HIVEP2: variants seen among roughly 807,000 people sequenced by gnomAD.
HIVEP2 encodes the protein transcription factor HIVEP2.
A neutral mutation model predicts 180.7 loss-of-function variants in HIVEP2; 14 were observed. That is an observed-to-expected ratio of 0.08 (90% CI 0.05 to 0.12). HIVEP2 has a LOEUF of 0.12. Among genes scored for constraint, HIVEP2 ranks in the 10% least tolerant of loss-of-function variants. The probability of loss-of-function intolerance (pLI) is 1.00; values close to 1 mark genes in which losing one functional copy is unlikely to be tolerated. For synonymous variants in HIVEP2, 1,184 were observed against 1,136.4 expected (o/e 1.04, Z -0.84); for missense variants, 2,579 against 3,008.5 (o/e 0.86, Z 3.34).
At chr6:142,844,376 A>G (rs112014198) in intron 1 of HIVEP2, among the ~76,000 whole-genome samples, 24 of 152,144 alleles carry the variant, frequency 1.6e-4, no homozygotes, top group African/African-American at 5.8e-4. Context: ...GAGAAACCTA[A>G]TATTTTAGCT....
In HIVEP2 at chr6:142,753,718, G is replaced by A. The variant is rs372916482; in HGVS notation, c.6730C>T (p.Leu2244Phe). 68 of 1,614,074 alleles carry A rather than the reference G, an allele frequency of 4.2e-5. No individual in the cohort carries two copies. The highest frequency in any genetic ancestry group is 5.8e-5 in the Non-Finnish European group (68 of 1,180,048). Residue 2244 changes from leucine (L) to phenylalanine (F), a missense_variant, in exon 10 of 10, where the codon CTT (leucine) becomes TTT (phenylalanine). Leu to Phe is a conservative substitution (Grantham distance 22, BLOSUM62 0). Around this residue, in one of 11 missense-constraint regions of HIVEP2, gnomAD observed 660 missense variants for 731.7 expected, o/e 0.90. Transcript: ENST00000367603. ...IQMVHSMPPA[L>F]SSLHPSPTLP... Reference sequence around the variant, plus strand: ...GTGGGTGAAGGATGTAAACTGGAAAGGGCTGGCGGCATGGAGTGAACCATC... The same window carrying A: ...GTGGGTGAAGGATGTAAACTGGAAAAGGCTGGCGGCATGGAGTGAACCATC...
rs1404652488 is a variant in HIVEP2, at chr6:142,773,057, C to A, written c.1682G>T (p.Arg561Ile). The change falls in exon 5 of 10, where the codon AGA becomes ATA. Residue 561 changes from arginine to isoleucine, a missense_variant. Transcript: ENST00000367603. ...CCTTTCATCAAATGAGTGACTTCCT[C>A]TCAAAGAAGGAGGAATAGTTAGATT... Reference protein sequence around the residue: ...ATNLTIPPSLRGSHSFDERMT... With the variant: ...ATNLTIPPSLIGSHSFDERMT... 6.2e-7 allele frequency: 1 copy of A among 1,614,088 alleles called. No individual in the cohort carries two copies. Among genetic ancestry groups the A allele is most frequent in the African/African-American group, 1.3e-5 (1 of 74,928 alleles).
chr6:142,926,929 C>A (rs140019886), intron 1 of HIVEP2, among the ~76,000 whole-genome samples: 1 of 152,058 alleles, frequency 6.6e-6, no homozygotes, highest in African/African-American at 2.4e-5. Context: ...GCGGAGACGT[C>A]ATTGCATTCA....
intron 1 of HIVEP2, among the ~76,000 whole-genome samples, chr6:142,887,959 CAA>C (rs10634446): frequency 4.9e-5 from 7 of 143,124 alleles, no homozygotes; most frequent in Admixed American, 6.9e-5. Flanking sequence ...GGCGATGCAG[CAA>C]AAAAAAAAAA....
At position 142,774,821 on chromosome 6, in the gene HIVEP2, G is replaced by A; in HGVS notation, c.-83C>T. The A allele has an allele frequency of 6.5e-7, 1 of 1,529,792 alleles. No homozygotes were observed. The highest frequency in any genetic ancestry group is 1.3e-5 in the South Asian group (1 of 75,856). The allele number at this position is 1,529,792 out of a possible 1,614,324, so 94.8% of individuals were successfully genotyped here. A position where few individuals can be genotyped will look rare whatever the true frequency, so the allele number is the denominator to read the frequency against. ...TGTCTCCAAAGCTGTGCTTCTTAAA[G>A]CTTGGTTGCTTCCATGTTCCAGGGT... On this transcript the variant is annotated 5_prime_UTR_variant, in exon 5 of 10. Coordinates refer to ENST00000367603, the MANE Select transcript of HIVEP2 (RefSeq NM_006734.4). This position sits in a 1 kb window ranked among gnomAD's most constrained non-coding sequence, Gnocchi z 5.1.
At chr6:142,905,292 G>C (rs988451868) in intron 1 of HIVEP2, among the ~76,000 whole-genome samples, 59 of 152,062 alleles carry the variant, frequency 3.9e-4, no homozygotes, top group African/African-American at 1.4e-3. Context: ...ATCTTGAAAT[G>C]CACTATAAAT....
intron 6 of HIVEP2, among the ~76,000 whole-genome samples, chr6:142,765,742 C>A (rs187922438): frequency 6.6e-6 from 1 of 152,290 alleles, no homozygotes; most frequent in African/African-American, 2.4e-5. Flanking sequence ...CTTGCTTAAT[C>A]AAATCGGCTA....
intron 1 of HIVEP2, among the ~76,000 whole-genome samples, chr6:142,940,443 G>A (rs1427881259): frequency 6.6e-6 from 1 of 152,186 alleles, no homozygotes; most frequent in Non-Finnish European, 1.5e-5. Flanking sequence ...CCAATTTCAA[G>A]GTCCTACCCC....
Position 142,783,511 on chromosome 6 carries a change from A to T in HIVEP2, c.-433+10T>A, listed in dbSNP as rs372277404. The T allele has an allele frequency of 1.3e-5, 2 of 152,146 alleles. No individual in the cohort carries two copies. The highest frequency in any genetic ancestry group is 2.9e-5 in the Non-Finnish European group (2 of 68,022). 9.4% of individuals were successfully genotyped at this position (152,146 alleles called of 1,614,324 possible). ...AAGAGAGTAAGAATAAATAAATTTTAGTTATTAACCTGTTATCCTCATATC... is the reference window on the plus strand; with the variant it reads ...AAGAGAGTAAGAATAAATAAATTTTTGTTATTAACCTGTTATCCTCATATC... On this transcript the variant is annotated intron_variant, in intron 3 of 9. Transcript: ENST00000367603.
intron 1 of HIVEP2, among the ~76,000 whole-genome samples, chr6:142,863,578 A>C (rs781505047): frequency 1.3e-4 from 20 of 152,234 alleles, no homozygotes; most frequent in Non-Finnish European, 2.6e-4. Flanking sequence ...ATTTTTTAAG[A>C]GATTTAATTG....
intron 1 of HIVEP2, among the ~76,000 whole-genome samples, chr6:142,897,960 T>A (rs1478497318): frequency 6.6e-6 from 1 of 152,134 alleles, no homozygotes. Flanking sequence ...ATACAGAGCT[T>A]AGTACACACC....
intron 2 of HIVEP2, among the ~76,000 whole-genome samples, chr6:142,814,822 G>C (rs989247982): frequency 1.3e-5 from 2 of 152,168 alleles, no homozygotes; most frequent in African/African-American, 4.8e-5. Flanking sequence ...AATCAAAGTA[G>C]ATAAAACACT....
At position 142,930,479 on chromosome 6, in the gene HIVEP2, A is replaced by G. The variant is rs137887540; in HGVS notation, c.-641+14620T>C. 4.1e-3 allele frequency among the ~76,000 whole-genome samples: 617 copies of G among 152,136 alleles called. 5 individuals carry two copies. The highest frequency in any genetic ancestry group is 0.014 in the African/African-American group (583 of 41,420). On this transcript the variant is annotated intron_variant, in intron 1 of 9. Transcript: ENST00000367603. Reference sequence around the variant, plus strand: ...TTCAGCACAAATTACTAATGCCTCAATCCCTTCAAGGCTAGCTAACTAAAC... The same window carrying G: ...TTCAGCACAAATTACTAATGCCTCAGTCCCTTCAAGGCTAGCTAACTAAAC...
chr6:142,940,541 TATGTC>T (rs893215776), intron 1 of HIVEP2, among the ~76,000 whole-genome samples: 2 of 152,210 alleles, frequency 1.3e-5, no homozygotes, highest in Non-Finnish European at 2.9e-5. Flanking sequence ...AGTCCTCACA[TATGTC>T]AGGTTGGATA....
chr6:142,848,004 C>G (rs1775560080), intron 1 of HIVEP2, among the ~76,000 whole-genome samples: 1 of 152,192 alleles, frequency 6.6e-6, no homozygotes, highest in Non-Finnish European at 1.5e-5. Flanking sequence ...AAATATAGGA[C>G]TGTCACAAAT....
intron 1 of HIVEP2, among the ~76,000 whole-genome samples, chr6:142,928,037 T>A (rs944915411): frequency 6.6e-6 from 1 of 152,234 alleles, no homozygotes. Context: ...CTAAGCAATG[T>A]TTCACATCAG....
intron 1 of HIVEP2, among the ~76,000 whole-genome samples, chr6:142,927,170 C>A (rs575448383): frequency 1.3e-5 from 2 of 152,234 alleles, no homozygotes; most frequent in African/African-American, 4.8e-5. Context: ...GCAAGCCCAG[C>A]GCTCCCAGCC....
At chr6:142,838,808 T>C (rs1056318481) in intron 1 of HIVEP2, among the ~76,000 whole-genome samples, 20 of 152,128 alleles carry the variant, frequency 1.3e-4, no homozygotes, top group African/African-American at 4.8e-4. Flanking sequence ...CTTCATTTCT[T>C]AGGTAGGGTA....
chr6:142,768,403 C>T lies in HIVEP2; in HGVS notation c.5321G>A (p.Arg1774Gln), dbSNP rs767331380. Reference sequence around the variant, plus strand: ...TTACCCTCCTTCAAATATTTTAATTCGGATTGGCTCAGTTTGTTTGGATCC... The same window carrying T: ...TTACCCTCCTTCAAATATTTTAATTTGGATTGGCTCAGTTTGTTTGGATCC... ...DIGSKQTEPI[R>Q]IKIFEGGYKS... The change falls in exon 6 of 10, where the codon CGA (arginine) becomes CAA (glutamine). Residue 1774 changes from arginine to glutamine, a missense_variant. By Grantham distance (43) the Arg-to-Gln change is conservative (BLOSUM62 1). Transcript: ENST00000367603. The T allele has an allele frequency of 1.2e-6, 2 of 1,610,398 alleles. No individual in the cohort carries two copies. The highest frequency in any genetic ancestry group is 1.1e-5 in the South Asian group (1 of 90,558).
Sources: allele counts gnomAD v4.1 joint callset (sites outside exome capture counted in the v4.1 genomes callset), GRCh38; gene constraint gnomAD v4.1.1; regional missense constraint gnomAD v4.1.1; non-coding constraint Gnocchi (gnomAD v3.1); transcripts MANE v1.5; gene names NCBI Gene and HGNC (gene_info 2026-07-23, HGNC 2026-07-21).